The following HMG20A variants were observed in gnomAD, a reference collection of about 807,000 sequenced individuals.
HMG20A encodes high mobility group protein 20A.
HMG20A carries 17 observed loss-of-function variants against 43.9 expected under a neutral mutation model. The ratio of observed to expected loss-of-function variants is 0.39; its 90% CI spans 0.27 to 0.58. The LOEUF is 0.58. Among genes scored for constraint, HMG20A ranks in the 20% least tolerant of loss-of-function variants. The pLI is 0.59. For missense variants in HMG20A, 341 were observed against 438.2 expected (o/e 0.78, Z 1.98); for synonymous variants, 132 against 147.5 (o/e 0.89, Z 0.76).
At chr15:77,512,290 C>T in the HMG20A span, among the ~76,000 whole-genome samples, 1 of 152,008 alleles carries the variant, frequency 6.6e-6, no homozygotes, top group Non-Finnish European at 1.5e-5. Context: ...TACAGAATTT[C>T]AAGTTTGTCA....
chr15:77,464,272 G>A lies in HMG20A; in HGVS notation c.122G>A (p.Gly41Asp), dbSNP rs2072734351. 6.2e-7 allele frequency: 1 copy of A among 1,613,734 alleles called. No homozygotes were observed. Among genetic ancestry groups the A allele is most frequent in the Admixed American group, 1.7e-5 (1 of 59,980 alleles). The change falls in exon 3 of 10, where the codon GGC (glycine) becomes GAC (aspartate). Residue 41 changes from glycine to aspartate, a missense_variant. Around this residue, in one of 3 missense-constraint regions of HMG20A, gnomAD observed 220 missense variants for 263.6 expected, o/e 0.83. Coordinates refer to ENST00000336216, the MANE Select transcript of HMG20A (RefSeq NM_001304504.2). ...CACCCAGAGGTTCCATACAGTAGTG[G>A]CGCCACATCATCCACCAACAATCCA... ...LNHPEVPYSS[G>D]ATSSTNNPEF...
At position 77,478,980 on chromosome 15, in the gene HMG20A, T is replaced by G. The variant is rs190619189; in HGVS notation, c.908-199T>G. On this transcript the variant is annotated intron_variant, in intron 8 of 9. Transcript: ENST00000336216. ...TACATGCAGCTGCTCATATATACTA[T>G]ACAGCAATTATATAGCCCATCTGTT... Among the ~76,000 whole-genome samples, 3 of 152,356 alleles carry G rather than the reference T, an allele frequency of 2.0e-5. No homozygotes were observed. In the East Asian group the frequency reaches 5.8e-4, roughly 29 times the overall value.
intron 1 of HMG20A, among the ~76,000 whole-genome samples, chr15:77,430,724 A>G (rs2073475869): frequency 6.6e-6 from 1 of 152,126 alleles, no homozygotes; most frequent in African/African-American, 2.4e-5. Context: ...CTTTTTTAAA[A>G]CTTGTTTTCC....
chr15:77,428,831 G>C (rs1472408072), intron 1 of HMG20A, among the ~76,000 whole-genome samples: 2 of 152,074 alleles, frequency 1.3e-5, no homozygotes, highest in Non-Finnish European at 2.9e-5. Context: ...AGACATGGTG[G>C]TATATACACA....
At chr15:77,464,151 CATGTGCTT>C (rs1020813097) in intron 2 of HMG20A, 81 bp from the exon 3 acceptor site, 9 of 1,346,656 alleles carry the variant, frequency 6.7e-6, no homozygotes, top group Admixed American at 1.8e-5. Context: ...CAAGGACTGG[CATGTGCTT>C]TTGCTGGCAG....
At chr15:77,503,835 C>T in the HMG20A span, among the ~76,000 whole-genome samples, 1 of 152,104 alleles carries the variant, frequency 6.6e-6, no homozygotes, top group Non-Finnish European at 1.5e-5. Flanking sequence ...CTAACAAGCT[C>T]GCCTGTGATA....
At chr15:77,440,295 T>C (rs1387951482) in intron 1 of HMG20A, among the ~76,000 whole-genome samples, 1 of 152,178 alleles carries the variant, frequency 6.6e-6, no homozygotes, top group African/African-American at 2.4e-5. Context: ...AATTCTTAAA[T>C]TGTGGTATTA....
chr15:77,502,004 G>A, the HMG20A span, among the ~76,000 whole-genome samples: 1 of 152,172 alleles, frequency 6.6e-6, no homozygotes. Flanking sequence ...AATGGGTGAA[G>A]TATGGTCCAT....
intron 1 of HMG20A, among the ~76,000 whole-genome samples, chr15:77,428,607 C>T (rs115266328): frequency 0.032 from 4,839 of 152,114 alleles, 257 homozygotes; most frequent in African/African-American, 0.11. Context: ...TGGCTTTAGT[C>T]GGATATTATA....
chr15:77,485,646 A>G (rs1484174185), downstream of HMG20A: 1 of 152,278 alleles, frequency 6.6e-6, no homozygotes, highest in African/African-American at 2.4e-5. Flanking sequence ...AAAAAGTCCT[A>G]CCTCTGGCCG....
chr15:77,453,706 G>A (rs1418723688), intron 1 of HMG20A, among the ~76,000 whole-genome samples: 1 of 152,074 alleles, frequency 6.6e-6, no homozygotes, highest in Non-Finnish European at 1.5e-5. Flanking sequence ...TCAACAAAAT[G>A]TGCAATAGCC....
At chr15:77,448,736 A>G (rs769763906) in intron 1 of HMG20A, among the ~76,000 whole-genome samples, 27 of 152,168 alleles carry the variant, frequency 1.8e-4, no homozygotes, top group Non-Finnish European at 3.1e-4. Context: ...TGTTGAATGA[A>G]TGGATCAGTT....
chr15:77,509,872 G>C, the HMG20A span, among the ~76,000 whole-genome samples: 1 of 149,940 alleles, frequency 6.7e-6, no homozygotes, highest in South Asian at 2.1e-4. Context: ...GCACCACTGC[G>C]CTCCAGCCTG....
the HMG20A span, among the ~76,000 whole-genome samples, chr15:77,506,349 G>C: frequency 6.6e-6 from 1 of 152,190 alleles, no homozygotes; most frequent in East Asian, 1.9e-4. Flanking sequence ...CCTCCCCTGT[G>C]CACTCCCCTC....
intron 1 of HMG20A, among the ~76,000 whole-genome samples, chr15:77,452,965 G>A (rs1311273059): frequency 4.6e-5 from 7 of 152,172 alleles, no homozygotes; most frequent in African/African-American, 1.2e-4. Context: ...GGTGGCTCAC[G>A]CCTATAATCT....
At chr15:77,424,066 A>G (rs2073399610) in intron 1 of HMG20A, among the ~76,000 whole-genome samples, 2 of 152,206 alleles carry the variant, frequency 1.3e-5, no homozygotes, top group South Asian at 4.1e-4. Context: ...CTAATTTACA[A>G]ATTAAAACTA....
At chr15:77,491,194 A>G in the HMG20A span, among the ~76,000 whole-genome samples, 1 of 152,356 alleles carries the variant, frequency 6.6e-6, no homozygotes, top group Non-Finnish European at 1.5e-5. Flanking sequence ...TCAAAAATAT[A>G]TTTGGCATCA....
chr15:77,444,629 A>G (rs2073653082), intron 1 of HMG20A, among the ~76,000 whole-genome samples: 1 of 152,246 alleles, frequency 6.6e-6, no homozygotes, highest in African/African-American at 2.4e-5. Context: ...TGTGTATGGA[A>G]GTTGAAGTTT....
intron 1 of HMG20A, among the ~76,000 whole-genome samples, chr15:77,455,270 C>T (rs889953650): frequency 6.8e-6 from 1 of 147,536 alleles, no homozygotes; most frequent in Admixed American, 6.9e-5. Context: ...CATATATTGA[C>T]CATAGCAATG....
Sources: gnomAD v4.1 joint callset for allele counts (sites outside exome capture counted in the v4.1 genomes callset) on GRCh38, gnomAD v4.1.1 for gene constraint, gnomAD v4.1.1 regional missense constraint, MANE v1.5 for transcripts, NCBI Gene and HGNC (gene_info 2026-07-23, HGNC 2026-07-21) for gene names.